DGKI: variants seen among roughly 807,000 people sequenced by gnomAD.
DGKI encodes the protein diacylglycerol kinase iota.
Under a neutral mutation model 147.5 loss-of-function variants are expected in DGKI, and 55 were observed. The ratio of observed to expected loss-of-function variants is 0.37; its 90% confidence interval spans 0.30 to 0.47. The LOEUF is 0.47. DGKI is among the 20% of genes least tolerant of loss of function. The probability of loss-of-function intolerance (pLI) is 1.00; values close to 1 mark genes in which losing one functional copy is unlikely to be tolerated. For synonymous variants in DGKI, 469 were observed against 477.1 expected (o/e 0.98, Z 0.22); for missense variants, 1,007 against 1,323.8 (o/e 0.76, Z 3.71).
chr7:137,727,520 G>A (rs904804354), intron 1 of DGKI, among the ~76,000 whole-genome samples: 2 of 152,040 alleles, frequency 1.3e-5, no homozygotes, highest in Non-Finnish European at 2.9e-5. Context: ...GGAATATTTG[G>A]ACAAAAACTA....
intron 6 of DGKI, among the ~76,000 whole-genome samples, chr7:137,634,833 G>A (rs1821254621): frequency 6.6e-6 from 1 of 152,178 alleles, no homozygotes; most frequent in Admixed American, 6.5e-5. Context: ...ACTCAGGAGT[G>A]GGTCCTAGAG....
chr7:137,553,611 AT>A (rs1818124946), intron 19 of DGKI, among the ~76,000 whole-genome samples: 1 of 152,236 alleles, frequency 6.6e-6, no homozygotes, highest in Non-Finnish European at 1.5e-5. Context: ...AAAATCATAC[AT>A]TTTTGTTGTA....
At chr7:137,419,398 G>T (rs2128905098) in intron 28 of DGKI, among the ~76,000 whole-genome samples, 1 of 152,224 alleles carries the variant, frequency 6.6e-6, no homozygotes, top group Non-Finnish European at 1.5e-5. Flanking sequence ...TACCATAGCT[G>T]CCCCATAGCT....
chr7:137,633,212 CAA>C (rs575170478), intron 6 of DGKI, among the ~76,000 whole-genome samples: 25 of 65,684 alleles, frequency 3.8e-4, no homozygotes, highest in Non-Finnish European at 6.3e-4. Context: ...AACTCGTTCT[CAA>C]AAAAAAAAAA....
At chr7:137,563,539 T>C (rs1177271447) in intron 19 of DGKI, among the ~76,000 whole-genome samples, 1 of 151,940 alleles carries the variant, frequency 6.6e-6, no homozygotes, top group Non-Finnish European at 1.5e-5. Context: ...CTAAGGAATC[T>C]ATTAAAAAAA....
intron 21 of DGKI, among the ~76,000 whole-genome samples, chr7:137,490,986 C>T (rs1206466903): frequency 1.3e-5 from 2 of 152,070 alleles, no homozygotes; most frequent in Non-Finnish European, 2.9e-5. Flanking sequence ...TACTACTAAC[C>T]TACAATAAAT....
At chr7:137,413,644 A>G (rs1372847050) in intron 28 of DGKI, among the ~76,000 whole-genome samples, 10 of 152,192 alleles carry the variant, frequency 6.6e-5, no homozygotes, top group Non-Finnish European at 1.5e-5. Context: ...GTAGTATTCC[A>G]TGGTGTATAT....
At position 137,465,928 on chromosome 7, in the gene DGKI, C is replaced by T. The variant is rs1023433346; in HGVS notation, c.2592G>A (p.Leu864=). 6.2e-7 allele frequency: 1 copy of T among 1,614,054 alleles called. No individual in the cohort carries two copies. Among genetic ancestry groups the T allele is most frequent in the African/African-American group, 1.3e-5 (1 of 75,064 alleles). Residue 864 remains leucine, a synonymous_variant, in exon 26 of 33, where the codon CTG becomes CTA. Coordinates refer to ENST00000614521, the MANE Select transcript of DGKI (RefSeq NM_001321708.2). ...PAGTPPGMPD[L]VVEQASGISD... ...CTCACCCCGAGGCTTGTTCCACCAC[C>T]AGGTCAGGCATGCCCGGAGGTGTCC...
rs1299757256 is a variant in DGKI, at chr7:137,466,038, AAAG to A, written c.2485-6_2485-4del. The stretch of plus-strand genomic sequence containing the variant: ...TCCATCACAAAGTGCAAATGTTCCT[AAAG>A]AAGAACAAGAAGTCTGTTGCATGAA... On this transcript the variant is annotated splice_region_variant and splice_polypyrimidine_tract_variant and intron_variant, in intron 25 of 32. Coordinates refer to ENST00000614521, the MANE Select transcript of DGKI (RefSeq NM_001321708.2). 3.7e-6 allele frequency: 6 copies of A among 1,613,414 alleles called. No individual in the cohort carries two copies. Among genetic ancestry groups the A allele is most frequent in the Non-Finnish European group, 3.4e-6 (4 of 1,179,642 alleles).
chr7:137,585,946 G>A (rs1017123750), intron 13 of DGKI, among the ~76,000 whole-genome samples: 1 of 152,118 alleles, frequency 6.6e-6, no homozygotes, highest in Non-Finnish European at 1.5e-5. Flanking sequence ...GATTTGGAAG[G>A]GAGAAGTTAA....
In DGKI at chr7:137,822,422, T is replaced by A. The variant is rs146365253; in HGVS notation, c.401+24040A>T. 8.0e-3 allele frequency among the ~76,000 whole-genome samples: 1,214 copies of A among 151,618 alleles called. 24 individuals carry two copies. The highest frequency in any genetic ancestry group is 0.028 in the African/African-American group (1,140 of 41,312). On this transcript the variant is annotated intron_variant, in intron 1 of 32. Transcript: ENST00000614521. ...ACTCTGTCTCCAAAATAATAATAAT[T>A]ATTATTATTATTCAGCCTCAGAAAA...
intron 1 of DGKI, among the ~76,000 whole-genome samples, chr7:137,741,699 G>A (rs1795177219): frequency 1.3e-5 from 2 of 152,160 alleles, no homozygotes; most frequent in African/African-American, 2.4e-5. Context: ...GAATCACTGA[G>A]AATGACAGTA....
intron 5 of DGKI, among the ~76,000 whole-genome samples, chr7:137,646,375 A>G (rs1332022935): frequency 6.6e-6 from 1 of 152,166 alleles, no homozygotes; most frequent in Non-Finnish European, 1.5e-5. Flanking sequence ...TTGTGTTTAA[A>G]CCATCCTTGG....
intron 1 of DGKI, among the ~76,000 whole-genome samples, chr7:137,763,876 A>G (rs1795931093): frequency 1.3e-5 from 2 of 152,364 alleles, no homozygotes; most frequent in Admixed American, 6.5e-5. Flanking sequence ...CTCTTGTAAT[A>G]ATTAGCAAAG....
At chr7:137,715,885 C>T (rs1794361346) in intron 1 of DGKI, among the ~76,000 whole-genome samples, 1 of 152,128 alleles carries the variant, frequency 6.6e-6, no homozygotes, top group Non-Finnish European at 1.5e-5. Context: ...AGAACTTTAC[C>T]AGATAAACAA....
chr7:137,803,526 T>C (rs1797275828), intron 1 of DGKI, among the ~76,000 whole-genome samples: 1 of 152,220 alleles, frequency 6.6e-6, no homozygotes, highest in African/African-American at 2.4e-5. Context: ...TCTTTCTTTT[T>C]GATGCTATTT....
At chr7:137,601,928 G>A (rs192080838) in intron 10 of DGKI, among the ~76,000 whole-genome samples, 105 of 152,120 alleles carry the variant, frequency 6.9e-4, no homozygotes, top group Non-Finnish European at 4.3e-4. Context: ...TAATTACAAC[G>A]AATCCTTGAG....
At chr7:137,650,584 G>A (rs190486131) in intron 5 of DGKI, among the ~76,000 whole-genome samples, 160 of 152,254 alleles carry the variant, frequency 1.1e-3, no homozygotes, top group African/African-American at 3.8e-3. Context: ...CTTCATGGAT[G>A]CAATCAGGCT....
intron 21 of DGKI, among the ~76,000 whole-genome samples, chr7:137,494,231 A>G (rs2128939229): frequency 6.6e-6 from 1 of 152,334 alleles, no homozygotes; most frequent in East Asian, 1.9e-4. Context: ...GAAAGCAAGC[A>G]ACTTGGAAAA....
Sources: gnomAD v4.1 joint callset for allele counts (sites outside exome capture counted in the v4.1 genomes callset) on GRCh38, gnomAD v4.1.1 for gene constraint, MANE v1.5 for transcripts, NCBI Gene and HGNC (gene_info 2026-07-23, HGNC 2026-07-21) for gene names.